The following CDK14 variants were observed in gnomAD, a reference collection of about 807,000 sequenced individuals.
CDK14 encodes the protein cyclin dependent kinase 14.
In CDK14, 34 loss-of-function variants were observed where a neutral mutation model predicts 60.7. That is an observed-to-expected ratio of 0.56 (90% CI 0.43 to 0.75). The LOEUF (loss-of-function observed/expected upper bound fraction) is 0.75, where lower values mean the gene tolerates loss of function less well. Ranked by LOEUF, CDK14 falls within the 30% of genes least tolerant of loss-of-function variation. The pLI, the probability that CDK14 is intolerant of heterozygous loss-of-function variation, is 0.00. For synonymous variants in CDK14, 197 were observed against 203.7 expected, an observed-to-expected ratio of 0.97 and a Z score of 0.28; for missense variants, 482 against 564.1, an observed-to-expected ratio of 0.85 and a Z score of 1.47.
chr7:90,944,915 G>T (rs1794054770), intron 8 of CDK14, among the ~76,000 whole-genome samples: 1 of 152,182 alleles, frequency 6.6e-6, no homozygotes, highest in Non-Finnish European at 1.5e-5. Context: ...GGCAAGTCAG[G>T]GAAGCTTCTG....
At chr7:91,127,688 G>T (rs751930688) in intron 14 of CDK14, among the ~76,000 whole-genome samples, 1 of 152,052 alleles carries the variant, frequency 6.6e-6, no homozygotes, top group African/African-American at 2.4e-5. Context: ...TAAAGGAGAA[G>T]TTCTCCCATT....
At chr7:91,150,245 C>T (rs938687955) in intron 14 of CDK14, among the ~76,000 whole-genome samples, 1 of 152,162 alleles carries the variant, frequency 6.6e-6, no homozygotes, top group Non-Finnish European at 1.5e-5. Context: ...TACCTCTTGC[C>T]TGCTGGCTGT....
intron 8 of CDK14, among the ~76,000 whole-genome samples, chr7:90,953,380 G>A (rs543091216): frequency 3.9e-5 from 6 of 152,112 alleles, no homozygotes; most frequent in Non-Finnish European, 7.4e-5. Flanking sequence ...GAAGTTATGT[G>A]GCTCATCTGA....
chr7:91,139,452 A>G (rs1800378143), intron 14 of CDK14, among the ~76,000 whole-genome samples: 1 of 152,232 alleles, frequency 6.6e-6, no homozygotes, highest in South Asian at 2.1e-4. Context: ...ACAAATTTCA[A>G]AGCAGTCACT....
At chr7:90,926,404 TG>T (rs1401834509) in intron 8 of CDK14, among the ~76,000 whole-genome samples, 2 of 152,200 alleles carry the variant, frequency 1.3e-5, no homozygotes, top group African/African-American at 2.4e-5. Flanking sequence ...AATAGAGCTT[TG>T]GTAATTTAAG....
intron 2 of CDK14, among the ~76,000 whole-genome samples, chr7:90,668,174 A>C (rs758644089): frequency 2.6e-5 from 4 of 152,146 alleles, no homozygotes; most frequent in Non-Finnish European, 4.4e-5. Context: ...CCATATCCTT[A>C]CCAATACCTG....
chr7:90,642,926 CTG>C (rs1440636017), intron 2 of CDK14, among the ~76,000 whole-genome samples: 2 of 152,200 alleles, frequency 1.3e-5, no homozygotes, highest in African/African-American at 4.8e-5. Flanking sequence ...AATACCCACT[CTG>C]TGTCAAAACT....
chr7:90,978,370 A>G (rs1227995851), intron 9 of CDK14, among the ~76,000 whole-genome samples: 1 of 152,188 alleles, frequency 6.6e-6, no homozygotes, highest in African/African-American at 2.4e-5. Context: ...TTGTCGATAT[A>G]GGGGCACGTA....
intron 6 of CDK14, among the ~76,000 whole-genome samples, chr7:90,892,350 T>C (rs531637455): frequency 5.3e-5 from 8 of 152,376 alleles, no homozygotes; most frequent in Admixed American, 3.9e-4. Context: ...TTAATCTTTC[T>C]AGTTTTCTTC....
chr7:90,634,111 T>TTTTG (rs10646817), intron 2 of CDK14, among the ~76,000 whole-genome samples: 41,163 of 151,708 alleles, frequency 0.27, 5,852 homozygotes, highest in Middle Eastern at 0.4. Flanking sequence ...AATTGAGTCT[T>TTTTG]TTTGTTTCTT....
At chr7:91,136,582 AC>A (rs1800285566) in intron 14 of CDK14, among the ~76,000 whole-genome samples, 1 of 152,166 alleles carries the variant, frequency 6.6e-6, no homozygotes, top group Admixed American at 6.5e-5. Flanking sequence ...ATATATATAA[AC>A]ATACAGACTA....
chr7:90,762,759 G>A (rs1046901475), intron 4 of CDK14, among the ~76,000 whole-genome samples: 2 of 152,172 alleles, frequency 1.3e-5, no homozygotes, highest in African/African-American at 2.4e-5. Context: ...GCTGAGGCGG[G>A]CAGATTACTT....
chr7:91,135,612 T>C (rs1397376351), intron 14 of CDK14, among the ~76,000 whole-genome samples: 2 of 152,154 alleles, frequency 1.3e-5, no homozygotes, highest in Non-Finnish European at 2.9e-5. Flanking sequence ...TCAGGCTTTG[T>C]TCAGGGTGAG....
intron 10 of CDK14, among the ~76,000 whole-genome samples, chr7:91,041,145 G>C (rs1447442047): frequency 6.6e-6 from 1 of 150,410 alleles, no homozygotes; most frequent in Non-Finnish European, 1.5e-5. Flanking sequence ...GGTCAGGGGT[G>C]TAGACCTCCA....
intron 14 of CDK14, among the ~76,000 whole-genome samples, chr7:91,200,438 T>A (rs1285857135): frequency 1.3e-5 from 2 of 152,234 alleles, no homozygotes; most frequent in Admixed American, 1.3e-4. Flanking sequence ...TCTTGGTATT[T>A]TAAGCAAAAC....
intron 8 of CDK14, among the ~76,000 whole-genome samples, chr7:90,921,576 T>G (rs1472677264): frequency 6.6e-6 from 1 of 152,170 alleles, no homozygotes; most frequent in Non-Finnish European, 1.5e-5. Context: ...CACATAGATA[T>G]TCAGTAAATA....
intron 2 of CDK14, among the ~76,000 whole-genome samples, chr7:90,659,577 T>C (rs1800820422): frequency 6.6e-6 from 1 of 152,186 alleles, no homozygotes; most frequent in African/African-American, 2.4e-5. Context: ...ATGATGAATT[T>C]GGCCCGCAAG....
intron 14 of CDK14, among the ~76,000 whole-genome samples, chr7:91,164,306 A>T (rs1450118704): frequency 6.6e-6 from 1 of 152,188 alleles, no homozygotes; most frequent in Non-Finnish European, 1.5e-5. Flanking sequence ...AATTACAATA[A>T]TTAATATTTA....
chr7:91,000,146 T>C (rs991672568), intron 10 of CDK14, among the ~76,000 whole-genome samples: 1 of 152,172 alleles, frequency 6.6e-6, no homozygotes, highest in Non-Finnish European at 1.5e-5. Context: ...AGCTGAAAAA[T>C]ACACAGCAGA....
Sources: gnomAD v4.1 joint callset for allele counts (sites outside exome capture counted in the v4.1 genomes callset) on GRCh38, gnomAD v4.1.1 for gene constraint, MANE v1.5 for transcripts, NCBI Gene and HGNC (gene_info 2026-07-23, HGNC 2026-07-21) for gene names.